The following IQCH variants were observed in gnomAD, a reference collection of about 807,000 sequenced individuals.
IQCH encodes IQ motif containing H, also known as IQ domain-containing protein H.
In IQCH, 98 loss-of-function variants were observed where a neutral mutation model predicts 117.0. The observed-to-expected ratio is 0.84, with a 90% confidence interval of 0.71 to 0.99. IQCH has a LOEUF of 0.99. IQCH is among the 50% of genes least tolerant of loss of function. IQCH has a pLI of 0.00. For missense variants in IQCH, 1,102 were observed against 1,243.8 expected, an observed-to-expected ratio of 0.89 and a Z score of 1.72; for synonymous variants, 412 against 448.2, an observed-to-expected ratio of 0.92 and a Z score of 1.02.
intron 4 of IQCH, among the ~76,000 whole-genome samples, chr15:67,330,974 A>C (rs768753674): frequency 1.1e-4 from 16 of 152,304 alleles, no homozygotes; most frequent in Non-Finnish European, 1.6e-4. Context: ...GTAGAAAAAA[A>C]CCCAGAATGC....
At chr15:67,320,543 T>C (rs1013138465) in intron 4 of IQCH, among the ~76,000 whole-genome samples, 4 of 152,200 alleles carry the variant, frequency 2.6e-5, no homozygotes, top group Admixed American at 1.3e-4. Flanking sequence ...ATAAATATTA[T>C]TAAATATAGT....
At chr15:67,335,920 T>C (rs1968872785) in intron 4 of IQCH, among the ~76,000 whole-genome samples, 1 of 152,214 alleles carries the variant, frequency 6.6e-6, no homozygotes, top group Admixed American at 6.5e-5. Context: ...TAATAGATAC[T>C]TATTTTGTAA....
In IQCH at chr15:67,494,678, C is replaced by T. The variant is rs946269099; in HGVS notation, c.2970+312C>T. Reference sequence around the variant, plus strand: ...GTCACAATGGAACCAAAACAGAGATCGTCACAACCAAAAATTGCGAATGTT... The same window carrying T: ...GTCACAATGGAACCAAAACAGAGATTGTCACAACCAAAAATTGCGAATGTT... On this transcript the variant is annotated intron_variant, in intron 20 of 20. Coordinates refer to ENST00000335894, the MANE Select transcript of IQCH (RefSeq NM_001031715.3). This position sits in a 1 kb window ranked among gnomAD's most constrained non-coding sequence, Gnocchi z 5.5. Among the ~76,000 whole-genome samples the T allele has an allele frequency of 6.6e-6, 1 of 152,150 alleles. No homozygotes were observed. Among genetic ancestry groups the T allele is most frequent in the Non-Finnish European group, 1.5e-5 (1 of 68,024 alleles).
At chr15:67,284,437 T>C (rs930289546) in intron 4 of IQCH, among the ~76,000 whole-genome samples, 1 of 152,112 alleles carries the variant, frequency 6.6e-6, no homozygotes, top group Non-Finnish European at 1.5e-5. Flanking sequence ...TCTTTATCCA[T>C]TCATCTGGGT....
At chr15:67,308,763 G>T (rs935067958) in intron 4 of IQCH, among the ~76,000 whole-genome samples, 4 of 152,024 alleles carry the variant, frequency 2.6e-5, no homozygotes, top group African/African-American at 9.7e-5. Flanking sequence ...CATTGGTTTG[G>T]AATAATGGGA....
intron 8 of IQCH, among the ~76,000 whole-genome samples, chr15:67,361,551 CTAAT>C (rs1970132891): frequency 6.6e-6 from 1 of 152,170 alleles, no homozygotes; most frequent in Non-Finnish European, 1.5e-5. Flanking sequence ...TTCTGCCTAA[CTAAT>C]ATAATTTAAT....
rs1425866423 is a variant in IQCH at position 67,474,830 on chromosome 15, C to T, written c.2677-866C>T. On this transcript the variant is annotated intron_variant, in intron 17 of 20. Transcript: ENST00000335894. The surrounding 1 kb of genome is among the most constrained non-coding windows in gnomAD (Gnocchi z 4.1). ...GTAGCCAGGTGATAAAGGTTAACATCATCAGTGATAAGTCACACTGATACC... is the reference window on the plus strand; with the variant it reads ...GTAGCCAGGTGATAAAGGTTAACATTATCAGTGATAAGTCACACTGATACC... Among the ~76,000 whole-genome samples, 1 of 152,194 alleles carries T rather than the reference C, an allele frequency of 6.6e-6. No individual in the cohort carries two copies. The highest frequency in any genetic ancestry group is 1.5e-5 in the Non-Finnish European group (1 of 68,046).
intron 8 of IQCH, among the ~76,000 whole-genome samples, chr15:67,361,769 C>T (rs1354147789): frequency 6.6e-6 from 1 of 152,144 alleles, no homozygotes; most frequent in Non-Finnish European, 1.5e-5. Flanking sequence ...AGGCTTTGCA[C>T]AGGATCCGAA....
intron 4 of IQCH, among the ~76,000 whole-genome samples, chr15:67,294,855 C>G (rs1436090751): frequency 6.6e-6 from 1 of 152,210 alleles, no homozygotes; most frequent in Non-Finnish European, 1.5e-5. Flanking sequence ...ACATCCTTAT[C>G]CATCTTCCCC....
In IQCH at chr15:67,427,581, T is replaced by C. The variant is rs146063641; in HGVS notation, c.2505+6004T>C. On this transcript the variant is annotated intron_variant, in intron 16 of 20. Coordinates refer to ENST00000335894, the MANE Select transcript of IQCH (RefSeq NM_001031715.3). The surrounding 1 kb of genome is among the most constrained non-coding windows in gnomAD (Gnocchi z 4.7). ...TCACTTTCCCTCATTTTCAGTTTTCTCAGCTATAAAATGAGGAGGTTAGCT... is the reference window on the plus strand; with the variant it reads ...TCACTTTCCCTCATTTTCAGTTTTCCCAGCTATAAAATGAGGAGGTTAGCT... Among the ~76,000 whole-genome samples, 582 of 152,286 alleles carry C rather than the reference T, an allele frequency of 3.8e-3. 4 individuals carry two copies. The highest frequency in any genetic ancestry group is 0.013 in the African/African-American group (539 of 41,556).
intron 6 of IQCH, among the ~76,000 whole-genome samples, chr15:67,349,159 G>A (rs1453054608): frequency 2.0e-5 from 3 of 152,164 alleles, no homozygotes; most frequent in Non-Finnish European, 2.9e-5. Context: ...TAAAACTTTT[G>A]GAAGAAAACA....
In IQCH at chr15:67,327,241, C is replaced by T. The variant is rs1968452695; in HGVS notation, c.388-9734C>T. On this transcript the variant is annotated intron_variant, in intron 4 of 20. Coordinates refer to ENST00000335894, the MANE Select transcript of IQCH (RefSeq NM_001031715.3). ...ATCAAGTAAATATGATTTCTTTTTT[C>T]AATTACAAGCTTTCTGAGTTTGTGA... Among the ~76,000 whole-genome samples, 4 of 152,018 alleles carry T rather than the reference C, an allele frequency of 2.6e-5. No homozygotes were observed. In the South Asian group the frequency reaches 8.3e-4, roughly 31 times the overall value.
At chr15:67,264,357 T>C (rs1259378985) in intron 3 of IQCH, among the ~76,000 whole-genome samples, 1 of 152,260 alleles carries the variant, frequency 6.6e-6, no homozygotes, top group Non-Finnish European at 1.5e-5. Context: ...GTCAGGAATC[T>C]GGGCACAGGT....
Position 67,385,443 on chromosome 15 carries a change from G to A in IQCH, c.1456+424G>A, listed in dbSNP as rs1971078494. Among the ~76,000 whole-genome samples, 1 of 152,022 alleles carries A rather than the reference G, an allele frequency of 6.6e-6. No homozygotes were observed. The highest frequency in any genetic ancestry group is 2.4e-5 in the African/African-American group (1 of 41,388). On this transcript the variant is annotated intron_variant, in intron 11 of 20. Transcript: ENST00000335894. The surrounding 1 kb of genome is among the most constrained non-coding windows in gnomAD (Gnocchi z 4.6). ...TTGTGTTTTCATAAGAAGAAAAAGG[G>A]GAAAATTAAGATAGATTTTTAAAAG...
Position 67,369,150 on chromosome 15 carries a change from T to C in IQCH, c.754-2961T>C, listed in dbSNP as rs1970434160. 6.6e-6 allele frequency among the ~76,000 whole-genome samples: 1 copy of C among 152,376 alleles called. No homozygotes were observed. Among genetic ancestry groups the C allele is most frequent in the South Asian group, 2.1e-4 (1 of 4,832 alleles). ...AATCATCATCCTGCTTTCCTGTTTT[T>C]TGTTTTGGATTTAGAATTTTGCCTA... is the stretch of plus-strand genomic sequence containing the variant. On this transcript the variant is annotated intron_variant, in intron 8 of 20. Transcript: ENST00000335894. This position sits in a 1 kb window ranked among gnomAD's most constrained non-coding sequence, Gnocchi z 5.2.
chr15:67,422,947 T>C lies in IQCH; in HGVS notation c.2505+1370T>C, dbSNP rs183240500. 1.1e-4 allele frequency among the ~76,000 whole-genome samples: 17 copies of C among 152,382 alleles called. No individual in the cohort carries two copies. The highest frequency in any genetic ancestry group is 3.8e-4 in the African/African-American group (16 of 41,586). ...CCTCTGGTCATCCGCATTGTACATA[T>C]ACTTTGGTTGTTTTAGGATCATTAT... On this transcript the variant is annotated intron_variant, in intron 16 of 20. Coordinates refer to ENST00000335894, the MANE Select transcript of IQCH (RefSeq NM_001031715.3). The surrounding 1 kb of genome is among the most constrained non-coding windows in gnomAD (Gnocchi z 4.7).
chr15:67,434,043 C>A (rs1281734463), intron 16 of IQCH, among the ~76,000 whole-genome samples: 1 of 151,994 alleles, frequency 6.6e-6, no homozygotes, highest in East Asian at 1.9e-4. Context: ...CACAATCAAG[C>A]TAATTAACAT....
rs1966256200 is a variant in IQCH at position 67,279,379 on chromosome 15, A to G, written c.270-16A>G. 7.4e-7 allele frequency: 1 copy of G among 1,348,382 alleles called. No individual in the cohort carries two copies. Among genetic ancestry groups the G allele is most frequent in the Non-Finnish European group, 1.1e-6 (1 of 950,996 alleles). The allele number at this position is 1,348,382 out of a possible 1,614,324, so 83.5% of individuals were successfully genotyped here. The stretch of plus-strand genomic sequence containing the variant: ...AATAGCAAATTTGATTTTAAATTCC[A>G]TTTCTTCTTACTTAGGTTACTTCCA... On this transcript the variant is annotated splice_polypyrimidine_tract_variant and intron_variant, in intron 3 of 20. Transcript: ENST00000335894.
At chr15:67,263,280 A>G in intron 3 of IQCH, 64 bp downstream of exon 3, 1 of 819,362 alleles carries the variant, frequency 1.2e-6, no homozygotes, top group Non-Finnish European at 2.1e-6. Flanking sequence ...TTCTCACTCA[A>G]GTGAGATGAC....
Sources: allele counts gnomAD v4.1 joint callset (sites outside exome capture counted in the v4.1 genomes callset), GRCh38; gene constraint gnomAD v4.1.1; non-coding constraint Gnocchi (gnomAD v3.1); transcripts MANE v1.5; gene names NCBI Gene and HGNC (gene_info 2026-07-23, HGNC 2026-07-21).